Variants in BRINP3 observed in about 807,000 individuals in gnomAD.
BRINP3 encodes the protein BMP/retinoic acid-inducible neural-specific protein 3.
In BRINP3, 19 loss-of-function variants were observed where a neutral mutation model predicts 71.0. That is an observed-to-expected ratio of 0.27 (90% CI 0.19 to 0.39). BRINP3 has a LOEUF of 0.39. BRINP3 is among the 10% of genes least tolerant of loss of function. BRINP3 has a pLI of 1.00. For missense variants in BRINP3, 959 were observed against 940.8 expected (o/e 1.02, Z -0.25); for synonymous variants, 380 against 337.7 (o/e 1.13, Z -1.37).
intron 2 of BRINP3, among the ~76,000 whole-genome samples, chr1:190,435,415 T>G (rs1386949886): frequency 6.6e-6 from 1 of 152,064 alleles, no homozygotes; most frequent in Non-Finnish European, 1.5e-5. Context: ...CTCATTTTTT[T>G]TTTTGAGGCA....
At chr1:190,333,236 C>A (rs866082238) in intron 2 of BRINP3, among the ~76,000 whole-genome samples, 17 of 151,978 alleles carry the variant, frequency 1.1e-4, no homozygotes, top group Admixed American at 3.3e-4. Context: ...AAAATGATCT[C>A]CAGGTATACA....
intron 2 of BRINP3, among the ~76,000 whole-genome samples, chr1:190,312,217 C>T (rs577185734): frequency 6.7e-6 from 1 of 150,318 alleles, no homozygotes; most frequent in African/African-American, 2.4e-5. Flanking sequence ...TATGTTATTG[C>T]AAAGTTCAAT....
In BRINP3 at chr1:190,462,505, C is replaced by T. The variant is rs58160115; in HGVS notation, c.-50-7565G>A. Among the ~76,000 whole-genome samples the T allele has an allele frequency of 3.7e-3, 564 of 152,194 alleles. 4 individuals are homozygous for T. The highest frequency in any genetic ancestry group is 0.013 in the African/African-American group (524 of 41,540). The stretch of plus-strand genomic sequence containing the variant: ...AGAAACAGGAATTGAATAGCCTGTT[C>T]CTCTCCATTTGGAAAATCATATACT... On this transcript the variant is annotated intron_variant, in intron 1 of 7. Coordinates refer to ENST00000367462, the MANE Select transcript of BRINP3 (RefSeq NM_199051.3).
At chr1:190,338,424 C>T (rs2103102558) in intron 2 of BRINP3, among the ~76,000 whole-genome samples, 1 of 152,090 alleles carries the variant, frequency 6.6e-6, no homozygotes, top group East Asian at 1.9e-4. Context: ...ACTTTAAGTA[C>T]ATGGTAATCT....
intron 1 of BRINP3, chr1:190,474,739 G>C (rs1222653312): frequency 2.0e-5 from 3 of 151,968 alleles, no homozygotes; most frequent in African/African-American, 7.3e-5. Context: ...TCACGTTCTC[G>C]ACCTGGTGCA....
intron 6 of BRINP3, among the ~76,000 whole-genome samples, chr1:190,166,781 T>C (rs751722212): frequency 3.9e-5 from 6 of 152,048 alleles, no homozygotes. Context: ...TGGAGTCCAG[T>C]GGGATGATTT....
At chr1:190,331,244 T>C (rs1666942816) in intron 2 of BRINP3, among the ~76,000 whole-genome samples, 1 of 151,992 alleles carries the variant, frequency 6.6e-6, no homozygotes, top group Non-Finnish European at 1.5e-5. Context: ...ATTTAAAAGA[T>C]ATGTAAGTAT....
intron 7 of BRINP3, among the ~76,000 whole-genome samples, chr1:190,109,853 A>T (rs1442969427): frequency 6.6e-6 from 1 of 152,180 alleles, no homozygotes; most frequent in Admixed American, 6.5e-5. Flanking sequence ...TCAGACTGAG[A>T]GTTACACTAT....
Position 190,402,778 on chromosome 1 carries a change from CT to C in BRINP3, c.236+51876del, listed in dbSNP as rs1196075630. Reference sequence around the variant, plus strand: ...GACAGGTCTCATTCTGTCCCCCAGGCTGGAGTGCCATGGTGCCATCATGGCT... The same window carrying C: ...GACAGGTCTCATTCTGTCCCCCAGGCGGAGTGCCATGGTGCCATCATGGCT... On this transcript the variant is annotated intron_variant, in intron 2 of 7. Transcript: ENST00000367462. Among the ~76,000 whole-genome samples the C allele has an allele frequency of 5.3e-5, 8 of 152,290 alleles. No homozygotes were observed. The East Asian group carries it at 1.5e-3, about 29-fold the overall frequency.
At chr1:190,445,900 T>G (rs1675185603) in intron 2 of BRINP3, among the ~76,000 whole-genome samples, 1 of 152,182 alleles carries the variant, frequency 6.6e-6, no homozygotes, top group Non-Finnish European at 1.5e-5. Context: ...TTGTTTACTA[T>G]TCTGTAAATA....
intron 1 of BRINP3, among the ~76,000 whole-genome samples, chr1:190,467,633 C>T (rs188596822): frequency 9.2e-4 from 139 of 151,510 alleles, no homozygotes; most frequent in African/African-American, 3.3e-3. Flanking sequence ...TCTAACTAAG[C>T]TTTCTTTCTT....
At chr1:190,463,049 A>G (rs1031417301) in intron 1 of BRINP3, among the ~76,000 whole-genome samples, 5 of 151,996 alleles carry the variant, frequency 3.3e-5, no homozygotes, top group African/African-American at 4.8e-5. Context: ...AACATTTTTC[A>G]TATTACATAT....
chr1:190,471,930 A>G (rs1378053944), intron 1 of BRINP3, among the ~76,000 whole-genome samples: 1 of 151,534 alleles, frequency 6.6e-6, no homozygotes, highest in Non-Finnish European at 1.5e-5. Flanking sequence ...TGAAACTGTT[A>G]TACTTAATCA....
intron 2 of BRINP3, among the ~76,000 whole-genome samples, chr1:190,317,429 G>C (rs570164811): frequency 3.9e-5 from 6 of 152,022 alleles, no homozygotes; most frequent in Admixed American, 2.6e-4. Flanking sequence ...TCAAATTTTT[G>C]ATCTCCATCT....
At chr1:190,354,019 C>G (rs767011879) in intron 2 of BRINP3, among the ~76,000 whole-genome samples, 13 of 152,030 alleles carry the variant, frequency 8.6e-5, no homozygotes, top group Non-Finnish European at 1.8e-4. Flanking sequence ...AATTTCTGAA[C>G]TTAACAAGCC....
intron 2 of BRINP3, among the ~76,000 whole-genome samples, chr1:190,413,983 G>A (rs1672852781): frequency 6.6e-6 from 1 of 151,986 alleles, no homozygotes; most frequent in Non-Finnish European, 1.5e-5. Context: ...TATTTTTAGA[G>A]ACCAGGTGTT....
At chr1:190,312,073 A>ATG (rs1553287442) in intron 2 of BRINP3, among the ~76,000 whole-genome samples, 30 of 139,626 alleles carry the variant, frequency 2.1e-4, no homozygotes, top group African/African-American at 5.1e-4. Context: ...ATATATATAT[A>ATG]TATGTATTTC....
intron 7 of BRINP3, among the ~76,000 whole-genome samples, chr1:190,157,123 C>A (rs1242875501): frequency 6.6e-6 from 1 of 151,736 alleles, no homozygotes; most frequent in East Asian, 1.9e-4. Context: ...CCTCCATTCC[C>A]CCAATATTAA....
chr1:190,468,271 A>C (rs1371372100), intron 1 of BRINP3, among the ~76,000 whole-genome samples: 1 of 151,338 alleles, frequency 6.6e-6, no homozygotes, highest in Non-Finnish European at 1.5e-5. Flanking sequence ...GATTATTAAA[A>C]AGAAATATTT....
Sources: gnomAD v4.1 joint callset for allele counts (sites outside exome capture counted in the v4.1 genomes callset) on GRCh38, gnomAD v4.1.1 for gene constraint, MANE v1.5 for transcripts, NCBI Gene and HGNC (gene_info 2026-07-23, HGNC 2026-07-21) for gene names.